Variants in TEKT5 observed in about 807,000 individuals in gnomAD.
The protein encoded by TEKT5 is tektin-5.
Under a neutral mutation model 48.7 loss-of-function variants are expected in TEKT5, and 52 were observed. The observed-to-expected ratio is 1.07, with a 90% CI of 0.86 to 1.35. The LOEUF is 1.35. Among genes scored for constraint, TEKT5 ranks in the 40% most tolerant of loss-of-function variants. The probability of loss-of-function intolerance (pLI) is 0.00; values close to 1 mark genes in which losing one functional copy is unlikely to be tolerated. For missense variants in TEKT5, 831 were observed against 641.6 expected, an observed-to-expected ratio of 1.30 and a Z score of -3.19; for synonymous variants, 318 against 267.6, an observed-to-expected ratio of 1.19 and a Z score of -1.84.
At chr16:10,652,913 G>GACAC (rs372305153) in intron 5 of TEKT5, among the ~76,000 whole-genome samples, 3 of 135,218 alleles carry the variant, frequency 2.2e-5, no homozygotes, top group Non-Finnish European at 3.2e-5. Flanking sequence ...CACAGGCAGA[G>GACAC]ACACACACAC....
At chr16:10,692,167 T>C (rs1001682559) in intron 1 of TEKT5, among the ~76,000 whole-genome samples, 1 of 152,074 alleles carries the variant, frequency 6.6e-6, no homozygotes, top group African/African-American at 2.4e-5. Flanking sequence ...AAGCCAAATG[T>C]GACCAGGCAA....
rs143109867 is a variant in TEKT5 at position 10,636,811 on chromosome 16, C to CATTATTATTATT, written c.1087-905_1087-894dup. On this transcript the variant is annotated intron_variant, in intron 5 of 6. Transcript: ENST00000283025. ...AAACTCTGGATCTGTATGTATTTTC[C>CATTATTATTATT]ATTATTATTATTATTATTATTTTGA... Among the ~76,000 whole-genome samples, 471 of 147,168 alleles carry CATTATTATTATT rather than the reference C, an allele frequency of 3.2e-3. 1 individual carries two copies. Among genetic ancestry groups the CATTATTATTATT allele is most frequent in the South Asian group, 0.011 (49 of 4,582 alleles).
intron 5 of TEKT5, among the ~76,000 whole-genome samples, chr16:10,640,624 C>T (rs2142263907): frequency 6.6e-6 from 1 of 152,300 alleles, no homozygotes; most frequent in African/African-American, 2.4e-5. Context: ...TCCATCTCTC[C>T]TGCCTCCGCC....
chr16:10,633,778 T>C (rs1256324425), intron 6 of TEKT5, among the ~76,000 whole-genome samples: 1 of 152,134 alleles, frequency 6.6e-6, no homozygotes, highest in Admixed American at 6.5e-5. Flanking sequence ...ACTCCTGGCC[T>C]CAAGTGATCC....
chr16:10,662,067 G>C (rs1034978068), intron 5 of TEKT5, among the ~76,000 whole-genome samples: 1 of 152,140 alleles, frequency 6.6e-6, no homozygotes, highest in Non-Finnish European at 1.5e-5. Flanking sequence ...TAGCAGATCA[G>C]GGTTTCTTAG....
chr16:10,661,243 G>A (rs939880138), intron 5 of TEKT5, among the ~76,000 whole-genome samples: 1 of 152,136 alleles, frequency 6.6e-6, no homozygotes, highest in African/African-American at 2.4e-5. Flanking sequence ...AACTATTCCA[G>A]GGGAAATCAC....
At chr16:10,638,305 G>A (rs904677024) in intron 5 of TEKT5, among the ~76,000 whole-genome samples, 8 of 152,192 alleles carry the variant, frequency 5.3e-5, no homozygotes, top group South Asian at 4.1e-4. Flanking sequence ...TCACCTGACC[G>A]TGACTGAAAC....
chr16:10,627,848 T>A, intron 6 of TEKT5, 49 bp from the exon 7 acceptor site: 7 of 1,548,174 alleles, frequency 4.5e-6, no homozygotes, highest in Non-Finnish European at 6.2e-6. Flanking sequence ...TTATTTTTAT[T>A]TGTTTATTTT....
At chr16:10,630,384 C>T (rs535568998) in intron 6 of TEKT5, among the ~76,000 whole-genome samples, 73 of 152,080 alleles carry the variant, frequency 4.8e-4, no homozygotes, top group African/African-American at 1.6e-3. Flanking sequence ...TACAGGCAGG[C>T]ACCACCACAC....
At chr16:10,680,724 T>C (rs1003234028) in intron 4 of TEKT5, among the ~76,000 whole-genome samples, 7 of 150,632 alleles carry the variant, frequency 4.6e-5, no homozygotes, top group African/African-American at 1.5e-4. Context: ...ATGGATGAAA[T>C]TGGAAATCAT....
At chr16:10,690,203 G>C (rs56185244) in intron 1 of TEKT5, 178 bp from the exon 2 acceptor site, 1 of 625,042 alleles carries the variant, frequency 1.6e-6, no homozygotes, top group South Asian at 2.1e-5. Context: ...CCCCGGATGA[G>C]AGCTGTGGGT....
At chr16:10,663,975 G>GGTCCT (rs568777930) in intron 5 of TEKT5, among the ~76,000 whole-genome samples, 357 of 152,312 alleles carry the variant, frequency 2.3e-3, no homozygotes, top group Non-Finnish European at 4.2e-3. Context: ...TGAGGTCAGA[G>GGTCCT]GTCCTGAAAG....
chr16:10,670,268 T>C (rs900284014), intron 5 of TEKT5, among the ~76,000 whole-genome samples: 1 of 152,234 alleles, frequency 6.6e-6, no homozygotes, highest in Non-Finnish European at 1.5e-5. Flanking sequence ...GGCTCAAGCC[T>C]GTAATCCCAG....
At chr16:10,666,276 C>G (rs1185136309) in intron 5 of TEKT5, among the ~76,000 whole-genome samples, 2 of 152,162 alleles carry the variant, frequency 1.3e-5, no homozygotes, top group Non-Finnish European at 2.9e-5. Context: ...GAGTTCAGGA[C>G]TCACGCAGAT....
At position 10,639,475 on chromosome 16, in the gene TEKT5, C is replaced by T. The variant is rs78375192; in HGVS notation, c.1087-3557G>A. 4.2e-3 allele frequency among the ~76,000 whole-genome samples: 628 copies of T among 151,268 alleles called. 4 individuals are homozygous for T. The highest frequency in any genetic ancestry group is 5.0e-3 in the Non-Finnish European group (339 of 68,026). ...CACCACTATACCTAAAAGACCTATA[C>T]CTATAAGACCTTGGGCATCCATGTC... is the stretch of plus-strand genomic sequence containing the variant. On this transcript the variant is annotated intron_variant, in intron 5 of 6. Coordinates refer to ENST00000283025, the MANE Select transcript of TEKT5 (RefSeq NM_144674.2).
At chr16:10,687,332 TACC>T (rs1405897422) in intron 3 of TEKT5, among the ~76,000 whole-genome samples, 2 of 152,248 alleles carry the variant, frequency 1.3e-5, no homozygotes, top group Non-Finnish European at 2.9e-5. Flanking sequence ...GTACAGCATA[TACC>T]ACTTTTGTCA....
chr16:10,640,073 CCTT>C (rs1268808605), intron 5 of TEKT5, among the ~76,000 whole-genome samples: 1 of 150,442 alleles, frequency 6.6e-6, no homozygotes, highest in African/African-American at 2.5e-5. Flanking sequence ...TTTTCTTTCT[CCTT>C]CTTCTCCTTC....
intron 5 of TEKT5, among the ~76,000 whole-genome samples, chr16:10,646,424 G>T (rs931395444): frequency 2.0e-5 from 3 of 152,168 alleles, no homozygotes; most frequent in African/African-American, 7.2e-5. Flanking sequence ...CCTGAATGAG[G>T]TGGGATTGCA....
rs1364625712 is a variant in TEKT5, at chr16:10,665,982, C to G, written c.1086+9977G>C. Reference sequence around the variant, plus strand: ...AGAACAGGGGCTGGGCGCGGTGGCTCAGGCCTGTAATCCCAGCACTTTGGG... The same window carrying G: ...AGAACAGGGGCTGGGCGCGGTGGCTGAGGCCTGTAATCCCAGCACTTTGGG... On this transcript the variant is annotated intron_variant, in intron 5 of 6. Coordinates refer to ENST00000283025, the MANE Select transcript of TEKT5 (RefSeq NM_144674.2). Among the ~76,000 whole-genome samples the G allele has an allele frequency of 2.6e-5, 4 of 152,334 alleles. No homozygotes were observed. In the East Asian group the frequency reaches 7.7e-4, roughly 29 times the overall value.
Sources: allele counts gnomAD v4.1 joint callset (sites outside exome capture counted in the v4.1 genomes callset), GRCh38; gene constraint gnomAD v4.1.1; transcripts MANE v1.5; gene names NCBI Gene and HGNC (gene_info 2026-07-23, HGNC 2026-07-21).